The following RPS6KC1 variants were observed in gnomAD, a reference collection of about 807,000 sequenced individuals.
The protein encoded by RPS6KC1 is inactive ribosomal protein S6 kinase delta-1.
RPS6KC1 carries 54 observed loss-of-function variants against 103.8 expected under a neutral mutation model. The ratio of observed to expected loss-of-function variants is 0.52; its 90% CI spans 0.42 to 0.65. The LOEUF (loss-of-function observed/expected upper bound fraction) is 0.65, where lower values mean the gene tolerates loss of function less well. RPS6KC1 is among the 30% of genes least tolerant of loss of function. RPS6KC1 has a pLI of 0.00. For synonymous variants in RPS6KC1, 439 were observed against 438.7 expected (o/e 1.00, Z -0.01); for missense variants, 1,151 against 1,253.8 (o/e 0.92, Z 1.24).
the RPS6KC1 span, among the ~76,000 whole-genome samples, chr1:213,519,764 T>C: frequency 3.3e-5 from 5 of 152,216 alleles, no homozygotes; most frequent in Admixed American, 6.5e-5. Flanking sequence ...TGGTAACCAC[T>C]GGATACTGGA....
In RPS6KC1 at chr1:213,240,777, A is replaced by G. The variant is rs2094331977; in HGVS notation, c.1301A>G (p.Lys434Arg). The G allele has an allele frequency of 1.2e-6, 2 of 1,613,932 alleles. No homozygotes were observed. Among genetic ancestry groups the G allele is most frequent in the South Asian group, 2.2e-5 (2 of 91,076 alleles). The change falls in exon 11 of 15, where the codon AAA (lysine) becomes AGA (arginine). Residue 434 changes from lysine (K) to arginine (R), a missense_variant. This residue lies in a region of RPS6KC1 where 959 missense variants were observed against 1,006.3 expected (regional missense o/e 0.95). Transcript: ENST00000366960. ...PEESFDIKEV[K>R]KPTLAKVHLQ... ...GAAAGCTTTGACATCAAGGAAGTGAAAAAACCTACACTTGCAAAAGTTCAC... is the reference window on the plus strand; with the variant it reads ...GAAAGCTTTGACATCAAGGAAGTGAGAAAACCTACACTTGCAAAAGTTCAC...
the RPS6KC1 span, among the ~76,000 whole-genome samples, chr1:213,725,059 C>T: frequency 2.0e-5 from 3 of 152,346 alleles, no homozygotes; most frequent in Non-Finnish European, 4.4e-5. Flanking sequence ...GACTTTCTAA[C>T]ACTTTTTTGT....
At chr1:213,074,918 T>C (rs1167282038) in intron 2 of RPS6KC1, among the ~76,000 whole-genome samples, 3 of 140,160 alleles carry the variant, frequency 2.1e-5, no homozygotes, top group Non-Finnish European at 4.6e-5. Context: ...AGTGGCATGA[T>C]CTCAGCTCAC....
At chr1:213,077,434 T>C (rs929728244) in intron 2 of RPS6KC1, among the ~76,000 whole-genome samples, 2 of 152,160 alleles carry the variant, frequency 1.3e-5, no homozygotes, top group African/African-American at 2.4e-5. Flanking sequence ...CAAAACAGAA[T>C]AGTTTGAGGA....
chr1:213,675,596 G>A, the RPS6KC1 span, among the ~76,000 whole-genome samples: 1 of 152,172 alleles, frequency 6.6e-6, no homozygotes, highest in African/African-American at 2.4e-5. Flanking sequence ...ATATGTCTAG[G>A]CTGGGCATGG....
the RPS6KC1 span, among the ~76,000 whole-genome samples, chr1:213,658,033 A>G: frequency 6.6e-6 from 1 of 152,352 alleles, no homozygotes; most frequent in African/African-American, 2.4e-5. Context: ...TCCGGAGGTC[A>G]TTTTGGATTG....
the RPS6KC1 span, among the ~76,000 whole-genome samples, chr1:213,714,883 G>C: frequency 1.3e-5 from 2 of 152,178 alleles, no homozygotes; most frequent in Admixed American, 6.5e-5. Flanking sequence ...CACAATTAGG[G>C]CTAACTGCAG....
At chr1:213,790,200 G>A in the RPS6KC1 span, among the ~76,000 whole-genome samples, 96 of 152,260 alleles carry the variant, frequency 6.3e-4, no homozygotes, top group Middle Eastern at 3.4e-3. Context: ...GGTAGTGGTA[G>A]CTATAAACTA....
the RPS6KC1 span, among the ~76,000 whole-genome samples, chr1:213,307,562 T>G: frequency 2.0e-5 from 3 of 152,188 alleles, no homozygotes; most frequent in Non-Finnish European, 4.4e-5. Context: ...TCACACATAG[T>G]TTTCTCTTTT....
At chr1:213,734,871 G>T in the RPS6KC1 span, among the ~76,000 whole-genome samples, 1 of 152,034 alleles carries the variant, frequency 6.6e-6, no homozygotes. Context: ...CTGTGGCATC[G>T]GCTGCCCTGT....
chr1:213,593,665 C>T, the RPS6KC1 span, among the ~76,000 whole-genome samples: 6 of 151,836 alleles, frequency 4.0e-5, no homozygotes, highest in South Asian at 2.1e-4. Context: ...GGAAGGCATT[C>T]GTGGTAAAGG....
chr1:213,548,144 C>T, the RPS6KC1 span, among the ~76,000 whole-genome samples: 283 of 152,272 alleles, frequency 1.9e-3, 1 homozygote, highest in Non-Finnish European at 3.2e-3. Flanking sequence ...TTACATGATA[C>T]CAAGTTACAG....
chr1:213,501,022 A>T, the RPS6KC1 span, among the ~76,000 whole-genome samples: 1 of 152,224 alleles, frequency 6.6e-6, no homozygotes, highest in Non-Finnish European at 1.5e-5. Context: ...GAATGGGTGA[A>T]AATAATCAAT....
the RPS6KC1 span, among the ~76,000 whole-genome samples, chr1:213,337,150 AG>A: frequency 6.6e-6 from 1 of 152,202 alleles, no homozygotes; most frequent in South Asian, 2.1e-4. Context: ...ATCAGACCAT[AG>A]GCCTGGAAAA....
chr1:213,060,172 C>G (rs1439047998), intron 1 of RPS6KC1, among the ~76,000 whole-genome samples: 1 of 152,080 alleles, frequency 6.6e-6, no homozygotes, highest in Non-Finnish European at 1.5e-5. Context: ...AATATGTAGT[C>G]ATACACATTT....
the RPS6KC1 span, among the ~76,000 whole-genome samples, chr1:213,529,420 T>G: frequency 6.6e-6 from 1 of 152,026 alleles, no homozygotes; most frequent in South Asian, 2.1e-4. Flanking sequence ...AGACCAAGAG[T>G]ACTTTAAAAA....
the RPS6KC1 span, among the ~76,000 whole-genome samples, chr1:213,500,490 A>G: frequency 2.6e-5 from 4 of 152,364 alleles, no homozygotes; most frequent in South Asian, 6.2e-4. Flanking sequence ...TAAAAAGAAT[A>G]GGACAGTAAA....
At chr1:213,205,049 A>G (rs1164417676) in intron 8 of RPS6KC1, among the ~76,000 whole-genome samples, 2 of 152,180 alleles carry the variant, frequency 1.3e-5, no homozygotes, top group African/African-American at 2.4e-5. Flanking sequence ...TGAGCATTGT[A>G]CTACTCCCAG....
the RPS6KC1 span, among the ~76,000 whole-genome samples, chr1:213,293,883 C>T: frequency 6.6e-6 from 1 of 152,052 alleles, no homozygotes; most frequent in East Asian, 1.9e-4. Context: ...TATTAAGATA[C>T]CATAACTACC....
Sources: allele counts gnomAD v4.1 joint callset (sites outside exome capture counted in the v4.1 genomes callset), GRCh38; gene constraint gnomAD v4.1.1; regional missense constraint gnomAD v4.1.1; transcripts MANE v1.5; gene names NCBI Gene and HGNC (gene_info 2026-07-23, HGNC 2026-07-21).